The following RUNX3 variants were observed in gnomAD, a reference collection of about 807,000 sequenced individuals.
RUNX3 encodes RUNX family transcription factor 3.
Under a neutral mutation model 27.7 loss-of-function variants are expected in RUNX3, and 10 were observed. The observed-to-expected ratio is 0.36, with a 90% confidence interval of 0.22 to 0.61. RUNX3 has a LOEUF of 0.61. RUNX3 is among the 20% of genes least tolerant of loss of function. RUNX3 has a pLI of 0.72. For synonymous variants in RUNX3, 270 were observed against 269.2 expected (o/e 1.00, Z -0.03); for missense variants, 469 against 629.5 (o/e 0.75, Z 2.73).
In RUNX3 at chr1:24,904,704, C is replaced by T. The variant is rs978165851; in HGVS notation, c.704-2038G>A. 1.3e-5 allele frequency among the ~76,000 whole-genome samples: 2 copies of T among 152,116 alleles called. No homozygotes were observed. The highest frequency in any genetic ancestry group is 2.4e-5 in the African/African-American group (1 of 41,428). ...AGGACTGTGCCCCTCAGAGCTCACG[C>T]GGGCTGCAGGGCGCTGGGCTGGGCC... On this transcript the variant is annotated intron_variant, in intron 4 of 4. Transcript: ENST00000308873. The surrounding 1 kb of genome is among the most constrained non-coding windows in gnomAD (Gnocchi z 5.7).
intron 2 of RUNX3, among the ~76,000 whole-genome samples, chr1:24,949,968 C>T (rs1382362874): frequency 6.6e-6 from 1 of 152,198 alleles, no homozygotes; most frequent in African/African-American, 2.4e-5. Flanking sequence ...GGCCCTGGAA[C>T]CCCAGGAGAC....
At chr1:24,956,213 T>C (rs1641919681) in intron 2 of RUNX3, among the ~76,000 whole-genome samples, 1 of 152,212 alleles carries the variant, frequency 6.6e-6, no homozygotes, top group Non-Finnish European at 1.5e-5. Context: ...AGGCTGGAGC[T>C]CAGGCTGATG....
chr1:24,916,751 C>T lies in RUNX3; in HGVS notation c.544+2489G>A, dbSNP rs960161546. Among the ~76,000 whole-genome samples the T allele has an allele frequency of 1.3e-5, 2 of 152,152 alleles. 1 individual carries two copies. Among genetic ancestry groups the T allele is most frequent in the African/African-American group, 4.8e-5 (2 of 41,432 alleles). On this transcript the variant is annotated intron_variant, in intron 3 of 4. Transcript: ENST00000308873. This position sits in a 1 kb window ranked among gnomAD's most constrained non-coding sequence, Gnocchi z 4.8. Reference sequence around the variant, plus strand: ...GACCTAGTAGACTGCCCCCCGACTCCATCTCTGCTCTGTTCTGTAAATAAA... The same window carrying T: ...GACCTAGTAGACTGCCCCCCGACTCTATCTCTGCTCTGTTCTGTAAATAAA...
chr1:24,945,908 G>T (rs201982616), intron 2 of RUNX3, among the ~76,000 whole-genome samples: 1 of 152,082 alleles, frequency 6.6e-6, no homozygotes, highest in South Asian at 2.1e-4. Flanking sequence ...GTCTGAATGC[G>T]TTGTAAGGAC....
At chr1:24,931,969 G>A (rs1172959554), upstream of RUNX3, among the ~76,000 whole-genome samples, 1 of 152,262 alleles carries the variant, frequency 6.6e-6, no homozygotes, top group Non-Finnish European at 1.5e-5. Context: ...GAGTGATCCA[G>A]CCTGGGCGCT....
At chr1:24,957,665 T>A (rs1641977705) in intron 2 of RUNX3, among the ~76,000 whole-genome samples, 1 of 152,224 alleles carries the variant, frequency 6.6e-6, no homozygotes, top group African/African-American at 2.4e-5. Flanking sequence ...GGAGGAACAT[T>A]AAATAGTAGT....
At chr1:24,919,608 G>A (rs1266543314) in intron 2 of RUNX3, among the ~76,000 whole-genome samples, 1 of 152,040 alleles carries the variant, frequency 6.6e-6, no homozygotes, top group Non-Finnish European at 1.5e-5. Context: ...CCTCTTCTTG[G>A]CCTTTCTGCT....
At position 24,930,034 on chromosome 1, in the gene RUNX3, A is replaced by G; in HGVS notation, c.-166T>C. On this transcript the variant is annotated 5_prime_UTR_variant, in exon 1 of 5. Transcript: ENST00000308873. This position sits in a 1 kb window ranked among gnomAD's most constrained non-coding sequence, Gnocchi z 4.1. ...GGGCGGCGCCCGGCCACTACTCGCCAGGGCCCGCCCGCTGCGAGGCCTCGC... is the reference window on the plus strand; with the variant it reads ...GGGCGGCGCCCGGCCACTACTCGCCGGGGCCCGCCCGCTGCGAGGCCTCGC... The G allele has an allele frequency of 2.1e-5, 21 of 981,110 alleles. No homozygotes were observed. The highest frequency in any genetic ancestry group is 2.5e-5 in the Non-Finnish European group (21 of 828,296). The allele number at this position is 981,110 out of a possible 1,614,324, so 60.8% of individuals were successfully genotyped here.
upstream of RUNX3, among the ~76,000 whole-genome samples, chr1:24,930,566 C>T (rs1175380011): frequency 2.0e-5 from 3 of 152,156 alleles, no homozygotes; most frequent in African/African-American, 7.2e-5. This position sits in a 1 kb window ranked among gnomAD's most constrained non-coding sequence, Gnocchi z 4.1. Flanking sequence ...GGCGCCCTTG[C>T]CGCCCTCTCT....
rs1212696762 is a variant in RUNX3 at position 24,900,827 on chromosome 1, A to T, written c.*1295T>A. ...CTGATGGGGAGTGTAGCCCCTTGAG[A>T]AAGTATTGAGACCCTAATAACCCCA... On this transcript the variant is annotated 3_prime_UTR_variant, in exon 5 of 5. Transcript: ENST00000308873. 7 of 152,026 alleles carry T rather than the reference A, an allele frequency of 4.6e-5. No homozygotes were observed. The highest frequency in any genetic ancestry group is 1.0e-4 in the Non-Finnish European group (7 of 67,998). 9.4% of individuals were successfully genotyped at this position (152,026 alleles called of 1,614,324 possible).
chr1:24,903,401 C>A (rs1004853222), intron 4 of RUNX3, among the ~76,000 whole-genome samples: 2 of 152,220 alleles, frequency 1.3e-5, no homozygotes, highest in African/African-American at 4.8e-5. Context: ...CCCTAACCTG[C>A]CTTGGCAGCA....
intron 2 of RUNX3, among the ~76,000 whole-genome samples, chr1:24,956,671 C>T (rs10903116): frequency 0.72 from 110,010 of 152,074 alleles, 40,786 homozygotes; most frequent in African/African-American, 0.89. Context: ...GCTTACCCCA[C>T]GGAGGTGGGG....
chr1:24,920,122 T>C (rs1040480700), intron 2 of RUNX3, among the ~76,000 whole-genome samples: 12 of 152,202 alleles, frequency 7.9e-5, no homozygotes, highest in African/African-American at 2.4e-4. Flanking sequence ...GACACAACTG[T>C]TATTTCCAGA....
chr1:24,932,789 C>T (rs1380362191), upstream of RUNX3, among the ~76,000 whole-genome samples: 1 of 152,202 alleles, frequency 6.6e-6, no homozygotes, highest in Non-Finnish European at 1.5e-5. Context: ...CTCGCCCTTC[C>T]CCAGTTGGCA....
intron 2 of RUNX3, among the ~76,000 whole-genome samples, chr1:24,956,658 C>T (rs1641935850): frequency 6.6e-6 from 1 of 152,138 alleles, no homozygotes; most frequent in African/African-American, 2.4e-5. Context: ...CCCTCCTGCC[C>T]CTGCTTACCC....
upstream of RUNX3, among the ~76,000 whole-genome samples, chr1:24,933,376 G>C (rs1342613691): frequency 6.6e-6 from 1 of 152,230 alleles, no homozygotes; most frequent in African/African-American, 2.4e-5. Flanking sequence ...CTGGCACATG[G>C]AGGGTGCTCC....
At chr1:24,909,152 C>T (rs1188482799) in intron 3 of RUNX3, among the ~76,000 whole-genome samples, 1 of 152,178 alleles carries the variant, frequency 6.6e-6, no homozygotes, top group Non-Finnish European at 1.5e-5. Flanking sequence ...CCTGCTGAGG[C>T]CGAGGGACAC....
chr1:24,957,848 A>AC (rs1331154671), intron 2 of RUNX3, among the ~76,000 whole-genome samples: 1 of 152,228 alleles, frequency 6.6e-6, no homozygotes, highest in African/African-American at 2.4e-5. Flanking sequence ...CCAACGCCAC[A>AC]CAGCGAGGAA....
chr1:24,916,514 C>T lies in RUNX3; in HGVS notation c.544+2726G>A, dbSNP rs905064349. On this transcript the variant is annotated intron_variant, in intron 3 of 4. Transcript: ENST00000308873. The surrounding 1 kb of genome is among the most constrained non-coding windows in gnomAD (Gnocchi z 4.8). ...CAGTTACTGGGGACTTTGCACAGGGCCTGACGCAAGGGAGGGGGTTGCTCA... is the reference window on the plus strand; with the variant it reads ...CAGTTACTGGGGACTTTGCACAGGGTCTGACGCAAGGGAGGGGGTTGCTCA... Among the ~76,000 whole-genome samples the T allele has an allele frequency of 6.6e-6, 1 of 152,188 alleles. No homozygotes were observed. The highest frequency in any genetic ancestry group is 6.5e-5 in the Admixed American group (1 of 15,274).
Sources: gnomAD v4.1 joint callset for allele counts (sites outside exome capture counted in the v4.1 genomes callset) on GRCh38, gnomAD v4.1.1 for gene constraint, Gnocchi (gnomAD v3.1) non-coding constraint, MANE v1.5 for transcripts, NCBI Gene and HGNC (gene_info 2026-07-23, HGNC 2026-07-21) for gene names.